PHKA1: variants seen among roughly 807,000 people sequenced by gnomAD.
The protein encoded by PHKA1 is phosphorylase b kinase regulatory subunit alpha, skeletal muscle isoform.
PHKA1 carries 60 observed loss-of-function variants against 110.2 expected under a neutral mutation model. The ratio of observed to expected loss-of-function variants is 0.54; its 90% CI spans 0.44 to 0.68. The LOEUF is 0.68. PHKA1 is among the 30% of genes least tolerant of loss of function. PHKA1 has a pLI of 0.00. For synonymous variants in PHKA1, 316 were observed against 333.6 expected (o/e 0.95, Z 0.58); for missense variants, 801 against 942.5 (o/e 0.85, Z 1.97).
chrX:72,681,677 G>A (rs1251092328), intron 5 of PHKA1, among the ~76,000 whole-genome samples: 1 of 86,968 alleles, frequency 1.1e-5, no homozygotes, highest in Non-Finnish European at 2.3e-5. Context: ...AGATGGGGGG[G>A]TCAGCCCCCC....
chrX:72,626,907 C>T (rs1556283319), intron 17 of PHKA1, 64 bp downstream of exon 17: 13 of 845,478 alleles, frequency 1.5e-5, no homozygotes, highest in Admixed American at 6.7e-5. Context: ...ACAGGTATGC[C>T]ACTACTATAT....
chrX:72,680,722 G>A (rs1367832367), intron 5 of PHKA1, among the ~76,000 whole-genome samples: 31 of 100,724 alleles, frequency 3.1e-4, no homozygotes, highest in African/African-American at 1.2e-3. Flanking sequence ...GATATGAAGC[G>A]GAGCCGCTGC....
intron 3 of PHKA1, among the ~76,000 whole-genome samples, chrX:72,702,832 C>T (rs1328166935): frequency 9.0e-6 from 1 of 111,529 alleles, no homozygotes; most frequent in African/African-American, 3.3e-5. Context: ...AATCCGCCTC[C>T]CATTCTATTC....
chrX:72,662,943 C>T (rs781915281), intron 8 of PHKA1, among the ~76,000 whole-genome samples: 2 of 110,531 alleles, frequency 1.8e-5, no homozygotes, highest in East Asian at 5.7e-4. Flanking sequence ...GAAGAGGTAC[C>T]TGCTCCACCA....
chrX:72,610,735 C>T (rs2052796996), intron 22 of PHKA1, among the ~76,000 whole-genome samples: 1 of 111,521 alleles, frequency 9.0e-6, no homozygotes. Context: ...GTTCCATTCC[C>T]ACTAATGGTG....
Position 72,644,370 on chromosome X carries a change from G to C in PHKA1, c.1451C>G (p.Ser484Cys). The change falls in exon 14 of 32, where the codon TCC becomes TGC. Residue 484 changes from serine to cysteine, a missense_variant. Around this residue, in one of 2 missense-constraint regions of PHKA1, gnomAD observed 299 missense variants for 423.3 expected, o/e 0.71. Transcript: ENST00000373542. ...CTAGCCAATCTCCTTACCTAGGCTG[G>C]AATAAATGTGGCTGAGAATACGAGC... ...QPARILSHIY[S>C]SLGCNNRMKL... 8.3e-7 allele frequency: 1 copy of C among 1,209,906 alleles called. No homozygotes were observed. Among genetic ancestry groups the C allele is most frequent in the Non-Finnish European group, 1.1e-6 (1 of 894,290 alleles).
intron 28 of PHKA1, among the ~76,000 whole-genome samples, chrX:72,597,577 A>G (rs1158644899): frequency 8.9e-6 from 1 of 111,904 alleles, no homozygotes; most frequent in African/African-American, 3.2e-5. Context: ...GGTATATGAG[A>G]CATTTTGTTA....
At chrX:72,624,080 G>C (rs1723025980) in intron 17 of PHKA1, among the ~76,000 whole-genome samples, 1 of 111,696 alleles carries the variant, frequency 9.0e-6, no homozygotes, top group Admixed American at 9.5e-5. Context: ...AAGACTGTTG[G>C]AGAAAGGATA....
intron 18 of PHKA1, chrX:72,622,288 A>T: frequency 1.3e-6 from 1 of 754,114 alleles, no homozygotes; most frequent in Non-Finnish European, 1.6e-6. Flanking sequence ...TGAGGGCAGC[A>T]AATTTATTTT....
chrX:72,584,638 T>C (rs1479869783), intron 29 of PHKA1, among the ~76,000 whole-genome samples: 1 of 111,568 alleles, frequency 9.0e-6, no homozygotes, highest in South Asian at 3.8e-4. Flanking sequence ...CGCACGGCCA[T>C]CACAAACAGG....
At chrX:72,666,087 C>G (rs904989895) in intron 8 of PHKA1, 64 bp downstream of exon 8, 2 of 1,121,638 alleles carry the variant, frequency 1.8e-6, no homozygotes, top group Non-Finnish European at 2.4e-6. Context: ...CTTAAGGCCC[C>G]CAAAGGCACA....
Position 72,656,223 on chromosome X carries a change from T to C in PHKA1, c.938A>G (p.Tyr313Cys), listed in dbSNP as rs1306876951. ...AAATAGCTTCAGCTCAGCTGGTTCA[T>C]AGTACAGACGATTGGGATCCTAGTA... The part of the protein sequence containing the change: ...TPKEDPNRLY[Y>C]EPAELKLFEN... The change falls in exon 10 of 32, where the codon TAT becomes TGT. Residue 313 changes from tyrosine to cysteine, a missense_variant. Transcript: ENST00000373542. The C allele has an allele frequency of 8.3e-7, 1 of 1,210,567 alleles. No homozygotes were observed. Among genetic ancestry groups the C allele is most frequent in the South Asian group, 1.8e-5 (1 of 56,978 alleles).
chrX:72,621,928 G>T, intron 18 of PHKA1: 1 of 746,623 alleles, frequency 1.3e-6, no homozygotes, highest in Non-Finnish European at 1.6e-6. Context: ...TCAGTAACAC[G>T]TATCATTAGA....
chrX:72,648,135 T>C (rs1404666181), intron 13 of PHKA1, among the ~76,000 whole-genome samples: 1 of 111,378 alleles, frequency 9.0e-6, no homozygotes, highest in Non-Finnish European at 1.9e-5. Context: ...TAGAGGGAGA[T>C]GAACATGTCA....
intron 8 of PHKA1, among the ~76,000 whole-genome samples, chrX:72,662,111 C>T (rs2053567084): frequency 8.9e-6 from 1 of 112,385 alleles, no homozygotes; most frequent in Non-Finnish European, 1.9e-5. Context: ...GAGAATCCTA[C>T]AGTCCTCCCA....
In PHKA1 at chrX:72,579,457, A is replaced by G. The variant is rs187366909; in HGVS notation, c.*1545T>C. The G allele has an allele frequency of 8.9e-6, 1 of 111,894 alleles. No homozygotes were observed. Among genetic ancestry groups the G allele is most frequent in the Non-Finnish European group, 1.9e-5 (1 of 53,212 alleles). The allele number at this position is 111,894 out of a possible 1,213,427, so 9.2% of individuals were successfully genotyped here. On this transcript the variant is annotated 3_prime_UTR_variant, in exon 32 of 32. Coordinates refer to ENST00000373542, the MANE Select transcript of PHKA1 (RefSeq NM_002637.4). ...AGATAAAGGAGGGGGTTGAAGTAGG[A>G]AGTTATCTAAGTGCAAAAAGGGAAG...
chrX:72,589,987 T>A (rs1369299716), intron 29 of PHKA1, among the ~76,000 whole-genome samples: 1 of 111,027 alleles, frequency 9.0e-6, no homozygotes, highest in Non-Finnish European at 1.9e-5. Context: ...ATCATGAAAA[T>A]GGCCATACTG....
At chrX:72,584,561 G>A (rs2052387309) in intron 29 of PHKA1, among the ~76,000 whole-genome samples, 1 of 111,264 alleles carries the variant, frequency 9.0e-6, no homozygotes, top group African/African-American at 3.3e-5. Flanking sequence ...GAGTAGGAAA[G>A]CTCTATCTTT....
chrX:72,612,548 C>T (rs1190274716), intron 21 of PHKA1, among the ~76,000 whole-genome samples: 2 of 112,094 alleles, frequency 1.8e-5, no homozygotes, highest in Admixed American at 9.4e-5. Context: ...TATGAGGGTA[C>T]TTGCCATAGC....
Sources: allele counts gnomAD v4.1 joint callset (sites outside exome capture counted in the v4.1 genomes callset), GRCh38; gene constraint gnomAD v4.1.1; regional missense constraint gnomAD v4.1.1; transcripts MANE v1.5; gene names NCBI Gene and HGNC (gene_info 2026-07-23, HGNC 2026-07-21).